KCNQ1: variants seen among roughly 807,000 people sequenced by gnomAD.
KCNQ1 encodes the protein potassium voltage-gated channel subfamily KQT member 1.
A neutral mutation model predicts 72.4 loss-of-function variants in KCNQ1; 49 were observed. That is an observed-to-expected ratio of 0.68 (90% CI 0.54 to 0.86). KCNQ1 has a LOEUF of 0.86. KCNQ1 is among the 40% of genes least tolerant of loss of function. The pLI is 0.00. For synonymous variants in KCNQ1, 450 were observed against 412.6 expected (o/e 1.09, Z -1.10); for missense variants, 790 against 945.1 (o/e 0.84, Z 2.15).
At chr11:2,672,832 G>A (rs1323720472) in intron 11 of KCNQ1, 1 of 398,674 alleles carries the variant, frequency 2.5e-6, no homozygotes, top group African/African-American at 2.1e-5. Context: ...CCCAACTCTG[G>A]GTTCTGCCTG....
chr11:2,848,479 G>T lies in KCNQ1; in HGVS notation c.*476G>T. The T allele has an allele frequency of 2.2e-6, 1 of 458,420 alleles. No homozygotes were observed. The highest frequency in any genetic ancestry group is 4.4e-6 in the Non-Finnish European group (1 of 229,766). 28.4% of individuals were successfully genotyped at this position (458,420 alleles called of 1,614,324 possible). Reference sequence around the variant, plus strand: ...AGGACCAGCCCACGCTGACTACAGGGCCGCCGGCAATAAAAGCCCAGGAGC... The same window carrying T: ...AGGACCAGCCCACGCTGACTACAGGTCCGCCGGCAATAAAAGCCCAGGAGC... On this transcript the variant is annotated 3_prime_UTR_variant, in exon 16 of 16. Coordinates refer to ENST00000155840, the MANE Select transcript of KCNQ1 (RefSeq NM_000218.3).
chr11:2,600,443 G>T lies in KCNQ1; in HGVS notation c.1393+11589G>T, dbSNP rs1371618167. ...CTAATTGTTACATTTTGCCACATTT[G>T]CTTTATCATTTGAACCCCTTTCTCT... On this transcript the variant is annotated intron_variant, in intron 10 of 15. Transcript: ENST00000155840. The surrounding 1 kb of genome is among the most constrained non-coding windows in gnomAD (Gnocchi z 5.6). Among the ~76,000 whole-genome samples, 3 of 152,100 alleles carry T rather than the reference G, an allele frequency of 2.0e-5. No homozygotes were observed. Among genetic ancestry groups the T allele is most frequent in the Non-Finnish European group, 4.4e-5 (3 of 68,030 alleles).
At position 2,674,389 on chromosome 11, in the gene KCNQ1, A is replaced by ATGCG. The variant is rs1850250036; in HGVS notation, c.1514+12315_1514+12318dup. ...GCAGCTTCCTGCTTAGGGAAGGTGC[A>ATGCG]TGCGTGCGTGTGTGTGTGCGCGCCC... is the stretch of plus-strand genomic sequence containing the variant. On this transcript the variant is annotated intron_variant, in intron 11 of 15. Transcript: ENST00000155840. The surrounding 1 kb of genome is among the most constrained non-coding windows in gnomAD (Gnocchi z 5.9). The ATGCG allele has an allele frequency of 1.3e-5, 2 of 156,900 alleles. No individual in the cohort carries two copies. Among genetic ancestry groups the ATGCG allele is most frequent in the South Asian group, 2.2e-4 (1 of 4,576 alleles). The allele number at this position is 156,900 out of a possible 1,614,324, so 9.7% of individuals were successfully genotyped here.
At chr11:2,741,488 G>C (rs1846049361) in intron 11 of KCNQ1, among the ~76,000 whole-genome samples, 1 of 152,150 alleles carries the variant, frequency 6.6e-6, no homozygotes, top group African/African-American at 2.4e-5. Context: ...TCCACACCTG[G>C]TGCCTGTCCC....
chr11:2,590,640 T>G (rs1369940629), intron 10 of KCNQ1, among the ~76,000 whole-genome samples: 2 of 152,252 alleles, frequency 1.3e-5, no homozygotes, highest in Non-Finnish European at 2.9e-5. Flanking sequence ...GGTTCCTGCT[T>G]ACTTTGTCTC....
chr11:2,518,191 G>A (rs895276220), intron 1 of KCNQ1, among the ~76,000 whole-genome samples: 1 of 152,260 alleles, frequency 6.6e-6, no homozygotes, highest in African/African-American at 2.4e-5. Context: ...CCCTGCTCTG[G>A]TCGGGGAGGC....
At position 2,602,672 on chromosome 11, in the gene KCNQ1, AG is replaced by A. The variant is rs1159756031; in HGVS notation, c.1393+13820del. 6.6e-6 allele frequency among the ~76,000 whole-genome samples: 1 copy of A among 152,228 alleles called. No individual in the cohort carries two copies. The highest frequency in any genetic ancestry group is 1.5e-5 in the Non-Finnish European group (1 of 68,042). Reference sequence around the variant, plus strand: ...TGGTTTACATTTACATTTCCTCATTAGGATGATACTGAACATCTTTTCATGT... The same window carrying A: ...TGGTTTACATTTACATTTCCTCATTAGATGATACTGAACATCTTTTCATGT... On this transcript the variant is annotated intron_variant, in intron 10 of 15. Coordinates refer to ENST00000155840, the MANE Select transcript of KCNQ1 (RefSeq NM_000218.3). The surrounding 1 kb of genome is among the most constrained non-coding windows in gnomAD (Gnocchi z 4.8).
chr11:2,816,051 A>T lies in KCNQ1; in HGVS notation c.1795-31716A>T, dbSNP rs1847607736. ...TGAGGGCTCCGTTAGATGAATGTGG[A>T]CGGCTGGCGGCCGGGGCTTGGGAGA... On this transcript the variant is annotated intron_variant, in intron 15 of 15. Coordinates refer to ENST00000155840, the MANE Select transcript of KCNQ1 (RefSeq NM_000218.3). This position sits in a 1 kb window ranked among gnomAD's most constrained non-coding sequence, Gnocchi z 6.8. Among the ~76,000 whole-genome samples, 1 of 152,136 alleles carries T rather than the reference A, an allele frequency of 6.6e-6. No individual in the cohort carries two copies. The highest frequency in any genetic ancestry group is 1.5e-5 in the Non-Finnish European group (1 of 68,026).
chr11:2,694,613 A>G (rs78874320), intron 11 of KCNQ1: 5,736 of 398,616 alleles, frequency 0.014, 200 homozygotes, highest in East Asian at 0.095. Flanking sequence ...CCTTCGTTCA[A>G]TAAATGAATG....
chr11:2,651,511 G>A lies in KCNQ1; in HGVS notation c.1394-10450G>A, dbSNP rs1157164504. 2.5e-5 allele frequency: 10 copies of A among 398,574 alleles called. No homozygotes were observed. Among genetic ancestry groups the A allele is most frequent in the East Asian group, 1.4e-4 (4 of 28,090 alleles). 24.7% of individuals were successfully genotyped at this position (398,574 alleles called of 1,614,324 possible). A position where few individuals can be genotyped will look rare whatever the true frequency, so the allele number is the denominator to read the frequency against. On this transcript the variant is annotated intron_variant, in intron 10 of 15. Transcript: ENST00000155840. This position sits in a 1 kb window ranked among gnomAD's most constrained non-coding sequence, Gnocchi z 6.1. ...TTAAGAAGCTGTCAGTGTGAAGAAC[G>A]TGAATGCTAAGGGCATATGAGTGTG... is the stretch of plus-strand genomic sequence containing the variant.
chr11:2,466,148 GAGGAA>G (rs1420561927), intron 1 of KCNQ1, among the ~76,000 whole-genome samples: 33 of 152,248 alleles, frequency 2.2e-4, no homozygotes, highest in African/African-American at 7.7e-4. Context: ...GAGTGTCGCT[GAGGAA>G]GCTGGAACAG....
At chr11:2,706,504 C>G (rs1850914158) in intron 11 of KCNQ1, among the ~76,000 whole-genome samples, 1 of 152,252 alleles carries the variant, frequency 6.6e-6, no homozygotes, top group Non-Finnish European at 1.5e-5. Flanking sequence ...ACCCCCAGAT[C>G]CCTCGCCCAC....
chr11:2,533,866 G>T (rs534072369), intron 2 of KCNQ1, among the ~76,000 whole-genome samples: 27 of 152,216 alleles, frequency 1.8e-4, no homozygotes, highest in Non-Finnish European at 3.5e-4. Context: ...CACAAACACG[G>T]CTAGTCCGCG....
In KCNQ1 at chr11:2,754,897, A is replaced by C. The variant is rs1256730823; in HGVS notation, c.1515-13947A>C. ...TCCCTCATCATCCAAAGATACCTTA[A>C]AGAACGTGACAAGTTGCAGACTGGC... On this transcript the variant is annotated intron_variant, in intron 11 of 15. Coordinates refer to ENST00000155840, the MANE Select transcript of KCNQ1 (RefSeq NM_000218.3). Among the ~76,000 whole-genome samples the C allele has an allele frequency of 2.0e-5, 3 of 152,242 alleles. No individual in the cohort carries two copies. The South Asian group carries it at 6.2e-4, about 32-fold the overall frequency.
At chr11:2,717,875 C>T (rs1334977616) in intron 11 of KCNQ1, among the ~76,000 whole-genome samples, 1 of 152,210 alleles carries the variant, frequency 6.6e-6, no homozygotes, top group African/African-American at 2.4e-5. Flanking sequence ...CCACTCGCCC[C>T]AGGGCCTCCA....
Position 2,543,806 on chromosome 11 carries a change from G to T in KCNQ1, c.477+15788G>T, listed in dbSNP as rs554433054. On this transcript the variant is annotated intron_variant, in intron 2 of 15. Transcript: ENST00000155840. The surrounding 1 kb of genome is among the most constrained non-coding windows in gnomAD (Gnocchi z 5.6). Reference sequence around the variant, plus strand: ...GTAAGACATAGGCGGAGATTCATGTGTTTTTTCTTATGGATGACTGACTGG... The same window carrying T: ...GTAAGACATAGGCGGAGATTCATGTTTTTTTTCTTATGGATGACTGACTGG... Among the ~76,000 whole-genome samples the T allele has an allele frequency of 6.6e-6, 1 of 152,204 alleles. No individual in the cohort carries two copies. The highest frequency in any genetic ancestry group is 2.4e-5 in the African/African-American group (1 of 41,522).
Position 2,482,189 on chromosome 11 carries a change from C to T in KCNQ1, c.386+36705C>T, listed in dbSNP as rs188490758. 1.6e-4 allele frequency among the ~76,000 whole-genome samples: 24 copies of T among 151,598 alleles called. No homozygotes were observed. In the East Asian group the frequency reaches 3.7e-3, roughly 23 times the overall value. On this transcript the variant is annotated intron_variant, in intron 1 of 15. Transcript: ENST00000155840. This position sits in a 1 kb window ranked among gnomAD's most constrained non-coding sequence, Gnocchi z 5.7. ...CTGAGCAGGGTAACCCCTATCACTGCGTGTGTGTGTGTGTATATGTGTGTG... is the reference window on the plus strand; with the variant it reads ...CTGAGCAGGGTAACCCCTATCACTGTGTGTGTGTGTGTGTATATGTGTGTG...
chr11:2,661,312 G>C lies in KCNQ1; in HGVS notation c.1394-649G>C, dbSNP rs888348157. ...TACTGATAGTGTCAACAGAGAGTGG[G>C]GAGTGATAAGGATCAGTATCCTGAG... On this transcript the variant is annotated intron_variant, in intron 10 of 15. Transcript: ENST00000155840. The surrounding 1 kb of genome is among the most constrained non-coding windows in gnomAD (Gnocchi z 5.9). 23 of 401,312 alleles carry C rather than the reference G, an allele frequency of 5.7e-5. No individual in the cohort carries two copies. Among genetic ancestry groups the C allele is most frequent in the Non-Finnish European group, 1.0e-4 (23 of 227,720 alleles). The allele number at this position is 401,312 out of a possible 1,614,324, so 24.9% of individuals were successfully genotyped here.
intron 15 of KCNQ1, among the ~76,000 whole-genome samples, chr11:2,829,292 A>T (rs1378805486): frequency 6.6e-6 from 1 of 152,076 alleles, no homozygotes; most frequent in Admixed American, 6.6e-5. Context: ...TCCTGCTAAG[A>T]CTCCAGGAAG....
Sources: allele counts gnomAD v4.1 joint callset (sites outside exome capture counted in the v4.1 genomes callset), GRCh38; gene constraint gnomAD v4.1.1; non-coding constraint Gnocchi (gnomAD v3.1); transcripts MANE v1.5; gene names NCBI Gene and HGNC (gene_info 2026-07-23, HGNC 2026-07-21).